The following DGKB variants were observed in gnomAD, a reference collection of about 807,000 sequenced individuals.
DGKB encodes the protein 90 kDa diacylglycerol kinase.
In DGKB, 67 loss-of-function variants were observed where a neutral mutation model predicts 114.3. That is an observed-to-expected ratio of 0.59 (90% CI 0.48 to 0.72). DGKB has a LOEUF of 0.72. Ranked by LOEUF, DGKB falls within the 30% of genes least tolerant of loss-of-function variation. The pLI, the probability that DGKB is intolerant of heterozygous loss-of-function variation, is 0.00. For missense variants in DGKB, 907 were observed against 975.2 expected (o/e 0.93, Z 0.93); for synonymous variants, 398 against 323.1 (o/e 1.23, Z -2.49).
At chr7:14,385,718 T>A (rs1820227932) in intron 21 of DGKB, among the ~76,000 whole-genome samples, 1 of 152,158 alleles carries the variant, frequency 6.6e-6, no homozygotes, top group East Asian at 1.9e-4. Flanking sequence ...TGAAGTGTAA[T>A]TAACAAAACA....
At chr7:14,445,979 T>C (rs529813309) in intron 21 of DGKB, among the ~76,000 whole-genome samples, 5 of 152,272 alleles carry the variant, frequency 3.3e-5, no homozygotes, top group Middle Eastern at 3.4e-3. Flanking sequence ...TTTTTACTTT[T>C]AAATTAAATT....
chr7:14,314,307 G>C (rs569635447), intron 23 of DGKB, among the ~76,000 whole-genome samples: 3,781 of 152,102 alleles, frequency 0.025, 69 homozygotes, highest in Non-Finnish European at 0.039. Flanking sequence ...GCTGAGAGAA[G>C]AAGGCTTCAG....
chr7:14,639,194 G>A (rs1000619620), intron 13 of DGKB, among the ~76,000 whole-genome samples: 3 of 152,238 alleles, frequency 2.0e-5, no homozygotes, highest in Non-Finnish European at 2.9e-5. Flanking sequence ...AAGTGTGGGT[G>A]TAATAAGATG....
intron 1 of DGKB, among the ~76,000 whole-genome samples, chr7:14,923,999 A>T (rs1304513828): frequency 2.2e-5 from 3 of 137,720 alleles, no homozygotes; most frequent in Non-Finnish European, 5.1e-5. Flanking sequence ...AAAAAAAAAA[A>T]AAAAAGCTTT....
intron 17 of DGKB, among the ~76,000 whole-genome samples, chr7:14,604,025 A>G (rs1443601857): frequency 6.6e-6 from 1 of 152,148 alleles, no homozygotes; most frequent in Middle Eastern, 3.2e-3. Flanking sequence ...AGGAAAACAT[A>G]TTGTTATATA....
chr7:14,313,595 C>CACG (rs1423885389), intron 23 of DGKB, among the ~76,000 whole-genome samples: 2 of 152,192 alleles, frequency 1.3e-5, no homozygotes, highest in African/African-American at 4.8e-5. Context: ...AACAGCGCAC[C>CACG]ACGAGATTAT....
At chr7:14,732,566 A>C (rs1831082608) in intron 5 of DGKB, among the ~76,000 whole-genome samples, 1 of 152,050 alleles carries the variant, frequency 6.6e-6, no homozygotes, top group South Asian at 2.1e-4. Context: ...GTCTGAAAAA[A>C]AAATAGGGTT....
Position 14,613,328 on chromosome 7 carries a change from C to CAA in DGKB, c.1358+10_1358+11dup, listed in dbSNP as rs1399561675. 75 of 1,538,146 alleles carry CAA rather than the reference C, an allele frequency of 4.9e-5. No individual in the cohort carries two copies. The highest frequency in any genetic ancestry group is 6.5e-5 in the Non-Finnish European group (74 of 1,132,756). ...ACATGACATAGACACTAAAATCAAT[C>CAA]AAAAAACATACCGTTCTCCTTGTTT... On this transcript the variant is annotated intron_variant, in intron 16 of 25. Transcript: ENST00000402815.
In DGKB at chr7:14,519,067, C is replaced by A. The variant is rs370582169; in HGVS notation, c.1771-40842G>T. ...AATAAAAGGAATAAATTATGAGCCACTATTAACTTTTTAAACAATTTTATT... is the reference window on the plus strand; with the variant it reads ...AATAAAAGGAATAAATTATGAGCCAATATTAACTTTTTAAACAATTTTATT... On this transcript the variant is annotated intron_variant, in intron 20 of 25. Transcript: ENST00000402815. Among the ~76,000 whole-genome samples the A allele has an allele frequency of 2.5e-3, 373 of 152,152 alleles. 2 individuals carry two copies. The highest frequency in any genetic ancestry group is 8.2e-3 in the African/African-American group (341 of 41,542).
At chr7:14,239,308 T>TA (rs1793297630) in intron 23 of DGKB, among the ~76,000 whole-genome samples, 1 of 151,706 alleles carries the variant, frequency 6.6e-6, no homozygotes, top group South Asian at 2.1e-4. Flanking sequence ...AAAGTTTTTT[T>TA]AAATGTTAAA....
At chr7:14,743,326 C>G (rs962032744) in intron 4 of DGKB, among the ~76,000 whole-genome samples, 5 of 152,150 alleles carry the variant, frequency 3.3e-5, no homozygotes, top group African/African-American at 1.2e-4. Context: ...AGACAGGAGA[C>G]AAACTGTTTG....
intron 21 of DGKB, among the ~76,000 whole-genome samples, chr7:14,357,760 C>A (rs972173275): frequency 6.6e-6 from 1 of 152,104 alleles, no homozygotes; most frequent in Non-Finnish European, 1.5e-5. Flanking sequence ...GTGTTTAGTG[C>A]TTCCTTCAGG....
chr7:14,569,481 T>C (rs1478098802), intron 20 of DGKB, among the ~76,000 whole-genome samples: 8 of 152,134 alleles, frequency 5.3e-5, no homozygotes, highest in Admixed American at 3.3e-4. Context: ...CTAACAAAAG[T>C]TTTTTCTTTC....
intron 15 of DGKB, among the ~76,000 whole-genome samples, chr7:14,616,229 T>C (rs893534942): frequency 6.8e-6 from 1 of 147,686 alleles, no homozygotes; most frequent in Non-Finnish European, 1.5e-5. Context: ...CATATATACA[T>C]ATATATATAT....
Position 14,472,918 on chromosome 7 carries a change from G to A in DGKB, c.1835+5243C>T, listed in dbSNP as rs536312310. Among the ~76,000 whole-genome samples the A allele has an allele frequency of 2.6e-5, 4 of 152,254 alleles. No homozygotes were observed. In the East Asian group the frequency reaches 7.7e-4, roughly 29 times the overall value. ...CTAAACAGCAAACCATTCAAGAGGT[G>A]ACTTGGGTGCTGTTAAAGGCATTCA... On this transcript the variant is annotated intron_variant, in intron 21 of 25. Coordinates refer to ENST00000402815, the MANE Select transcript of DGKB (RefSeq NM_001350709.2).
chr7:14,621,389 G>A lies in DGKB; in HGVS notation c.1273C>T (p.Gln425Ter). 3 of 1,605,636 alleles carry A rather than the reference G, an allele frequency of 1.9e-6. No individual in the cohort carries two copies. The highest frequency in any genetic ancestry group is 2.6e-6 in the Non-Finnish European group (3 of 1,173,714). Reference sequence around the variant, plus strand: ...TTAAAAAATCATACCTGCAGGCCTTGTCCATCTACAGTAACAGAGTTGGCT... The same window carrying A: ...TTAAAAAATCATACCTGCAGGCCTTATCCATCTACAGTAACAGAGTTGGCT... ...QRANSVTVDGQGLQVTPVPGT... is the reference protein window; with the variant it reads ...QRANSVTVDG Residue 425 changes from glutamine to a stop codon, truncating the protein, a stop_gained, in exon 15 of 26, where the codon CAA becomes TAA. Transcript: ENST00000402815. LOFTEE classifies it high-confidence loss of function.
chr7:14,787,163 C>A (rs748736608), intron 2 of DGKB, among the ~76,000 whole-genome samples: 1 of 152,146 alleles, frequency 6.6e-6, no homozygotes. Flanking sequence ...TTCCCAGATA[C>A]GGGCCAAGAA....
At chr7:14,947,771 A>G (rs1413027685) in intron 1 of DGKB, among the ~76,000 whole-genome samples, 1 of 151,696 alleles carries the variant, frequency 6.6e-6, no homozygotes, top group African/African-American at 2.4e-5. Flanking sequence ...TGGTCCAAGC[A>G]TGTTATTCTT....
At chr7:14,925,869 C>T (rs1026210628) in intron 1 of DGKB, among the ~76,000 whole-genome samples, 28 of 151,946 alleles carry the variant, frequency 1.8e-4, no homozygotes, top group African/African-American at 6.3e-4. Context: ...ATTGGGTCCC[C>T]CCCCCACTTC....
Sources: gnomAD v4.1 joint callset for allele counts (sites outside exome capture counted in the v4.1 genomes callset) on GRCh38, gnomAD v4.1.1 for gene constraint, MANE v1.5 for transcripts, NCBI Gene and HGNC (gene_info 2026-07-23, HGNC 2026-07-21) for gene names.